Variants in HTRA3 observed in about 807,000 individuals in gnomAD.
HTRA3 encodes serine protease HTRA3.
A neutral mutation model predicts 43.2 loss-of-function variants in HTRA3; 41 were observed. That is an observed-to-expected ratio of 0.95 (90% CI 0.74 to 1.23). The LOEUF is 1.23. Ranked by LOEUF, HTRA3 falls within the 50% of genes most tolerant of loss-of-function variation. The pLI, the probability that HTRA3 is intolerant of heterozygous loss-of-function variation, is 0.00. For synonymous variants in HTRA3, 295 were observed against 287.9 expected (o/e 1.02, Z -0.25); for missense variants, 628 against 647.1 (o/e 0.97, Z 0.32).
intron 3 of HTRA3, among the ~76,000 whole-genome samples, chr4:8,290,014 T>C (rs1713169054): frequency 6.6e-6 from 1 of 152,070 alleles, no homozygotes; most frequent in South Asian, 2.1e-4. Flanking sequence ...CCCTCCTCAG[T>C]TCACGGCCTC....
Position 8,279,292 on chromosome 4 carries a change from A to G in HTRA3, c.386-3145A>G, listed in dbSNP as rs1371858405. 1.3e-5 allele frequency among the ~76,000 whole-genome samples: 2 copies of G among 152,200 alleles called. No homozygotes were observed. Among genetic ancestry groups the G allele is most frequent in the Admixed American group, 6.5e-5 (1 of 15,288 alleles). Reference sequence around the variant, plus strand: ...TTTACCCCAACCACAAATAACCACCATGTAGTAGAATTTTGATGTTTCCTG... The same window carrying G: ...TTTACCCCAACCACAAATAACCACCGTGTAGTAGAATTTTGATGTTTCCTG... On this transcript the variant is annotated intron_variant, in intron 1 of 8. Transcript: ENST00000307358. This position sits in a 1 kb window ranked among gnomAD's most constrained non-coding sequence, Gnocchi z 7.4.
chr4:8,271,412 C>T (rs988174177), intron 1 of HTRA3, among the ~76,000 whole-genome samples: 1 of 152,140 alleles, frequency 6.6e-6, no homozygotes, highest in East Asian at 1.9e-4. Flanking sequence ...ACAGAGAGCT[C>T]TTCTTTTCTG....
chr4:8,272,797 C>A (rs1712344279), intron 1 of HTRA3, among the ~76,000 whole-genome samples: 1 of 152,192 alleles, frequency 6.6e-6, no homozygotes, highest in Non-Finnish European at 1.5e-5. Context: ...CCACCAGAGC[C>A]CACGGAGCCA....
chr4:8,272,402 G>A (rs201566429), intron 1 of HTRA3, among the ~76,000 whole-genome samples: 1,562 of 64,918 alleles, frequency 0.024, 29 homozygotes, highest in African/African-American at 0.093. Flanking sequence ...GGCCGTGAGC[G>A]TGGGGGGTCA....
intron 6 of HTRA3, among the ~76,000 whole-genome samples, chr4:8,299,731 C>T (rs1269376104): frequency 6.6e-6 from 1 of 151,990 alleles, no homozygotes; most frequent in Non-Finnish European, 1.5e-5. Flanking sequence ...ATATGGTGTT[C>T]CTTTCTAGTC....
At chr4:8,278,299 C>T (rs563180157) in intron 1 of HTRA3, among the ~76,000 whole-genome samples, 3 of 151,768 alleles carry the variant, frequency 2.0e-5, no homozygotes, top group African/African-American at 7.3e-5. Context: ...GATGTGACAC[C>T]GGACACCTAG....
chr4:8,302,358 C>T, intron 6 of HTRA3, 105 bp from the exon 7 acceptor site: 1 of 1,038,856 alleles, frequency 9.6e-7, no homozygotes, highest in African/African-American at 1.6e-5. Context: ...ACACCTGCTG[C>T]TTCCTGGTCC....
At chr4:8,294,256 A>G in intron 6 of HTRA3, 55 bp downstream of exon 6, 1 of 1,331,598 alleles carries the variant, frequency 7.5e-7, no homozygotes. Context: ...CCAGGGCTAC[A>G]GCCCCTTAAC....
chr4:8,272,620 G>A (rs1011137590), intron 1 of HTRA3, among the ~76,000 whole-genome samples: 5 of 152,210 alleles, frequency 3.3e-5, no homozygotes, highest in African/African-American at 9.7e-5. Context: ...TCACTGTGGC[G>A]ACCGACCCAA....
intron 1 of HTRA3, among the ~76,000 whole-genome samples, chr4:8,276,358 G>C (rs1456940432): frequency 6.6e-6 from 1 of 152,252 alleles, no homozygotes; most frequent in Non-Finnish European, 1.5e-5. Context: ...ACGGTGCCGG[G>C]CTCATAGAAG....
chr4:8,270,525 A>G (rs1712227021), intron 1 of HTRA3, among the ~76,000 whole-genome samples, 172 bp downstream of exon 1: 1 of 152,232 alleles, frequency 6.6e-6, no homozygotes, highest in Admixed American at 6.5e-5. Context: ...AGGCCCGGAA[A>G]GGTAAACCGC....
chr4:8,280,741 G>A (rs527567701), intron 1 of HTRA3, among the ~76,000 whole-genome samples: 1 of 152,170 alleles, frequency 6.6e-6, no homozygotes, highest in Admixed American at 6.5e-5. Flanking sequence ...GGTGGCCGGC[G>A]TCTCCCAGCC....
chr4:8,282,250 T>C (rs1712776718), intron 1 of HTRA3, among the ~76,000 whole-genome samples, 187 bp from the exon 2 acceptor site: 1 of 152,166 alleles, frequency 6.6e-6, no homozygotes. Flanking sequence ...CCTTCCCAAA[T>C]GCCTGGTGTC....
At position 8,270,283 on chromosome 4, in the gene HTRA3, G is replaced by T; in HGVS notation, c.315G>T (p.Ala105=). Residue 105 remains alanine, a synonymous_variant, in exon 1 of 9, where the codon GCG becomes GCT. Transcript: ENST00000307358. ...ATGCCAACGTGTGCGCGCTGCAGGC[G>T]GCCAGCCGCCGCGCGCTGCAGCTCT... ...HTYANVCALQ[A]ASRRALQLSG... 6.7e-7 allele frequency: 1 copy of T among 1,485,190 alleles called. No homozygotes were observed. Among genetic ancestry groups the T allele is most frequent in the Non-Finnish European group, 8.9e-7 (1 of 1,124,266 alleles). The allele number at this position is 1,485,190 out of a possible 1,614,324, so 92.0% of individuals were successfully genotyped here. A position where few individuals can be genotyped will look rare whatever the true frequency, so the allele number is the denominator to read the frequency against.
intron 3 of HTRA3, among the ~76,000 whole-genome samples, chr4:8,288,899 GTCCTTCCT>G (rs1199752377): frequency 1.1e-4 from 11 of 101,460 alleles, no homozygotes; most frequent in Admixed American, 3.9e-4. Flanking sequence ...CCTTCCGTCC[GTCCTTCCT>G]TCCTTCCTTC....
chr4:8,287,921 T>C (rs1315377542), intron 3 of HTRA3, among the ~76,000 whole-genome samples: 1 of 152,190 alleles, frequency 6.6e-6, no homozygotes, highest in Non-Finnish European at 1.5e-5. Context: ...GGGACCACAG[T>C]TGAGTTACTT....
In HTRA3 at chr4:8,304,265, T is replaced by C. The variant is rs1269633377; in HGVS notation, c.1182T>C (p.Asn394=). The C allele has an allele frequency of 6.2e-7, 1 of 1,614,096 alleles. No homozygotes were observed. Among genetic ancestry groups the C allele is most frequent in the Non-Finnish European group, 8.5e-7 (1 of 1,179,928 alleles). Residue 394 remains asparagine (N), a synonymous_variant, in exon 8 of 9, where the codon AAT becomes AAC. Coordinates refer to ENST00000307358, the MANE Select transcript of HTRA3 (RefSeq NM_053044.5). Reference sequence around the variant, plus strand: ...TTTATGTGCAAGAGGTTGCGCCGAATTCACCTTCTCAGAGGTAGGCTCTGC... The same window carrying C: ...TTTATGTGCAAGAGGTTGCGCCGAACTCACCTTCTCAGAGGTAGGCTCTGC... ...SGIYVQEVAP[N]SPSQRGGIQD...
At position 8,291,573 on chromosome 4, in the gene HTRA3, C is replaced by A. The variant is rs1188402663; in HGVS notation, c.903+9C>A. 1.3e-6 allele frequency: 2 copies of A among 1,560,732 alleles called. No individual in the cohort carries two copies. The highest frequency in any genetic ancestry group is 2.3e-5 in the East Asian group (1 of 43,180). On this transcript the variant is annotated intron_variant, in intron 4 of 8. Coordinates refer to ENST00000307358, the MANE Select transcript of HTRA3 (RefSeq NM_053044.5). ...CGGATGCCATCATCAACGTGAGTCCCAGGGACAGGAGGCCGGGGCACCTGC... is the reference window on the plus strand; with the variant it reads ...CGGATGCCATCATCAACGTGAGTCCAAGGGACAGGAGGCCGGGGCACCTGC...
At chr4:8,275,278 C>G (rs1712473182) in intron 1 of HTRA3, among the ~76,000 whole-genome samples, 1 of 152,222 alleles carries the variant, frequency 6.6e-6, no homozygotes, top group Non-Finnish European at 1.5e-5. Context: ...AGGCCTCTGC[C>G]CTCCCATGCA....
Sources: allele counts gnomAD v4.1 joint callset (sites outside exome capture counted in the v4.1 genomes callset), GRCh38; gene constraint gnomAD v4.1.1; non-coding constraint Gnocchi (gnomAD v3.1); transcripts MANE v1.5; gene names NCBI Gene and HGNC (gene_info 2026-07-23, HGNC 2026-07-21).